The following HCN2 variants were observed in gnomAD, a reference collection of about 807,000 sequenced individuals.
HCN2 encodes potassium/sodium hyperpolarization-activated cyclic nucleotide-gated channel 2.
Under a neutral mutation model 52.3 loss-of-function variants are expected in HCN2, and 20 were observed. That is an observed-to-expected ratio of 0.38 (90% CI 0.27 to 0.56). The LOEUF (loss-of-function observed/expected upper bound fraction) is 0.56, where lower values mean the gene tolerates loss of function less well. Ranked by LOEUF, HCN2 falls within the 20% of genes least tolerant of loss-of-function variation. The pLI, the probability that HCN2 is intolerant of heterozygous loss-of-function variation, is 0.71. For missense variants in HCN2, 981 were observed against 1,207.7 expected, an observed-to-expected ratio of 0.81 and a Z score of 2.78; for synonymous variants, 694 against 537.0, an observed-to-expected ratio of 1.29 and a Z score of -4.04.
At chr19:612,870 G>C (rs572507180) in intron 5 of HCN2, among the ~76,000 whole-genome samples, 6 of 151,454 alleles carry the variant, frequency 4.0e-5, no homozygotes, top group Admixed American at 2.0e-4. Context: ...GTAGAGACGG[G>C]GGTCTTACCG....
At position 615,943 on chromosome 19, in the gene HCN2, C is replaced by A. The variant is rs1401577373; in HGVS notation, c.2139C>A (p.Leu713=). 8 of 1,607,750 alleles carry A rather than the reference C, an allele frequency of 5.0e-6. No individual in the cohort carries two copies. The highest frequency in any genetic ancestry group is 1.3e-5 in the African/African-American group (1 of 74,926). ...CCGAGCTGGGTCAGCGCGTGGGCCT[C>A]TTCCCGCCGCCGCCGCCGCCGCCGC... is the stretch of plus-strand genomic sequence containing the variant. The part of the protein sequence containing the change: ...QQAELGQRVG[L]FPPPPPPPQV... The change falls in exon 8 of 8, where the codon CTC becomes CTA. Residue 713 remains leucine (L), a synonymous_variant. Transcript: ENST00000251287.
chr19:616,560 C>G lies in HCN2; in HGVS notation c.*86C>G, dbSNP rs1320280422. 1 of 792,814 alleles carries G rather than the reference C, an allele frequency of 1.3e-6. No homozygotes were observed. The highest frequency in any genetic ancestry group is 1.6e-6 in the Non-Finnish European group (1 of 617,008). 49.1% of individuals were successfully genotyped at this position (792,814 alleles called of 1,614,324 possible). ...AGCCATGCCATTGCGCTGCCCCGGCCGCCAGTCCGCCCAGAAGCCATAGAC... is the reference window on the plus strand; with the variant it reads ...AGCCATGCCATTGCGCTGCCCCGGCGGCCAGTCCGCCCAGAAGCCATAGAC... On this transcript the variant is annotated 3_prime_UTR_variant, in exon 8 of 8. Transcript: ENST00000251287.
At chr19:604,510 G>C (rs1228013215) in intron 2 of HCN2, among the ~76,000 whole-genome samples, 3 of 132,958 alleles carry the variant, frequency 2.3e-5, no homozygotes, top group African/African-American at 8.6e-5. Flanking sequence ...TGGGGTCAAG[G>C]AGCAGGGGCA....
chr19:598,855 G>T (rs999508883), intron 1 of HCN2, among the ~76,000 whole-genome samples: 1 of 152,206 alleles, frequency 6.6e-6, no homozygotes, highest in Non-Finnish European at 1.5e-5. Flanking sequence ...TAATCTGCCC[G>T]CCTCAGCCTC....
chr19:607,542 C>T (rs938945723), intron 3 of HCN2, among the ~76,000 whole-genome samples: 11 of 152,244 alleles, frequency 7.2e-5, no homozygotes, highest in Non-Finnish European at 1.2e-4. Flanking sequence ...TCCCCTTTCC[C>T]GGCCGGGTCA....
At chr19:603,421 C>A in intron 1 of HCN2, 123 bp from the exon 2 acceptor site, 1 of 721,190 alleles carries the variant, frequency 1.4e-6, no homozygotes. Context: ...CCGCAGGCTC[C>A]TCGGAGGAGG....
Position 603,878 on chromosome 19 carries a change from C to T in HCN2, c.967C>T (p.Leu323=). The T allele has an allele frequency of 6.2e-7, 1 of 1,612,466 alleles. No homozygotes were observed. Among genetic ancestry groups the T allele is most frequent in the Non-Finnish European group, 8.5e-7 (1 of 1,179,812 alleles). ...CGAGGTCTACAAGACGGCACGCGCC[C>T]TGCGCATCGTGCGCTTCACCAAGAT... ...DSEVYKTARA[L]RIVRFTKILS... The change falls in exon 2 of 8, where the codon CTG becomes TTG. Residue 323 remains leucine (L), a synonymous_variant. Transcript: ENST00000251287.
In HCN2 at chr19:610,270, G is replaced by GCCCCTGTGCCCGCTGCAGGCCGGGGGC. The variant is rs1352224585; in HGVS notation, c.1449_1450insCCCCTGTGCCCGCTGCAGGCCGGGGGC (p.Val483_Glu484insProLeuCysProLeuGlnAlaGlyGly). On this transcript the variant is annotated inframe_insertion, in exon 5 of 8. Transcript: ENST00000251287. ...CCTCCTCCCCACAGTACAAGCAGGT[G>GCCCCTGTGCCCGCTGCAGGCCGGGGGC]GAGCAGTACATGTCCTTCCACAAGC... 6.2e-7 allele frequency: 1 copy of GCCCCTGTGCCCGCTGCAGGCCGGGGGC among 1,613,302 alleles called. No homozygotes were observed. Among genetic ancestry groups the GCCCCTGTGCCCGCTGCAGGCCGGGGGC allele is most frequent in the African/African-American group, 1.3e-5 (1 of 74,878 alleles).
At chr19:602,736 G>A (rs146830589) in intron 1 of HCN2, among the ~76,000 whole-genome samples, 110 of 152,298 alleles carry the variant, frequency 7.2e-4, no homozygotes, top group Middle Eastern at 3.4e-3. Context: ...TCCCTCTCTG[G>A]TCATGTGAAG....
chr19:608,533 G>C (rs1005643643), intron 4 of HCN2, among the ~76,000 whole-genome samples: 3 of 151,228 alleles, frequency 2.0e-5, no homozygotes, highest in African/African-American at 7.3e-5. Context: ...GTGGTGAGAG[G>C]TTCTCTGACC....
At position 613,934 on chromosome 19, in the gene HCN2, C is replaced by T; in HGVS notation, c.1908C>T (p.Asp636=). The T allele has an allele frequency of 1.3e-6, 2 of 1,577,300 alleles. No homozygotes were observed. The highest frequency in any genetic ancestry group is 8.6e-7 in the Non-Finnish European group (1 of 1,162,348). ...TYCRLYSLSV[D]NFNEVLEEYP... The stretch of plus-strand genomic sequence containing the variant: ...GCCGCCTCTATTCGCTGAGCGTGGA[C>T]AACTTCAACGAGGTGCTGGAGGAGT... The change falls in exon 7 of 8, where the codon GAC becomes GAT. Residue 636 remains aspartate, a synonymous_variant. Transcript: ENST00000251287.
At position 590,083 on chromosome 19, in the gene HCN2, C is replaced by T; in HGVS notation, c.138C>T (p.Gly46=). The T allele has an allele frequency of 3.2e-6, 2 of 620,306 alleles. No homozygotes were observed. Among genetic ancestry groups the T allele is most frequent in the Non-Finnish European group, 4.0e-6 (2 of 504,896 alleles). The allele number at this position is 620,306 out of a possible 1,614,324, so 38.4% of individuals were successfully genotyped here. The stretch of plus-strand genomic sequence containing the variant: ...CGCCGCCGCCCGCGCCCCCCCCGGG[C>T]CCCGGGCCCGCGCCCCCCCAGCACC... ...PPPPPPAPPP[G]PGPAPPQHPP... Residue 46 remains glycine (G), a synonymous_variant, in exon 1 of 8, where the codon GGC becomes GGT. Transcript: ENST00000251287. This position sits in a 1 kb window ranked among gnomAD's most constrained non-coding sequence, Gnocchi z 7.2.
At position 605,075 on chromosome 19, in the gene HCN2, C is replaced by T; in HGVS notation, c.1071C>T (p.Thr357=). The change falls in exon 3 of 8, where the codon ACC becomes ACT. Residue 357 remains threonine (T), a synonymous_variant. Coordinates refer to ENST00000251287, the MANE Select transcript of HCN2 (RefSeq NM_001194.4). The part of the protein sequence containing the change: ...IHQWEEIFHM[T]YDLASAVMRI... Reference sequence around the variant, plus strand: ...CCTTCCTGCAGATCTTCCACATGACCTATGACCTGGCCAGCGCGGTGATGA... The same window carrying T: ...CCTTCCTGCAGATCTTCCACATGACTTATGACCTGGCCAGCGCGGTGATGA... 6.2e-7 allele frequency: 1 copy of T among 1,611,408 alleles called. No homozygotes were observed. The highest frequency in any genetic ancestry group is 1.1e-5 in the South Asian group (1 of 91,036).
At chr19:608,229 G>A (rs1983488659) in intron 4 of HCN2, 47 bp downstream of exon 4, 1 of 1,552,812 alleles carries the variant, frequency 6.4e-7, no homozygotes, top group African/African-American at 1.4e-5. Flanking sequence ...GGGGAGGCGG[G>A]CCTGGATCTG....
chr19:604,719 C>A, intron 2 of HCN2, among the ~76,000 whole-genome samples: 1 of 73,964 alleles, frequency 1.4e-5, no homozygotes, highest in African/African-American at 5.3e-5. Flanking sequence ...GGGGCAGGGC[C>A]AGACATCAGG....
chr19:614,080 T>TGCC (rs1983795129), intron 7 of HCN2, 64 bp downstream of exon 7: 1 of 528,932 alleles, frequency 1.9e-6, no homozygotes, highest in African/African-American at 5.0e-5. Context: ...GGCCAAGGCA[T>TGCC]CAGGAGAGTG....
At position 603,698 on chromosome 19, in the gene HCN2, T is replaced by A; in HGVS notation, c.787T>A (p.Phe263Ile). The A allele has an allele frequency of 6.2e-7, 1 of 1,612,816 alleles. No homozygotes were observed. Among genetic ancestry groups the A allele is most frequent in the Non-Finnish European group, 8.5e-7 (1 of 1,179,764 alleles). ...TFFLMDLVLN[F>I]RTGIVIEDNT... ...CTTCCTCATGGACCTGGTGTTGAACTTCCGCACCGGCATTGTGATCGAGGA... is the reference window on the plus strand; with the variant it reads ...CTTCCTCATGGACCTGGTGTTGAACATCCGCACCGGCATTGTGATCGAGGA... The change falls in exon 2 of 8, where the codon TTC (phenylalanine) becomes ATC (isoleucine). Residue 263 changes from phenylalanine (F) to isoleucine (I), a missense_variant. Phe to Ile is a conservative substitution (Grantham distance 21). Coordinates refer to ENST00000251287, the MANE Select transcript of HCN2 (RefSeq NM_001194.4).
intron 1 of HCN2, among the ~76,000 whole-genome samples, chr19:594,517 C>T (rs1040146607): frequency 2.0e-4 from 30 of 152,286 alleles, no homozygotes; most frequent in Non-Finnish European, 2.9e-5. Context: ...CCCTGGGGTC[C>T]CCGAGAGGAC....
chr19:610,802 A>G (rs1983599204), intron 5 of HCN2, among the ~76,000 whole-genome samples: 1 of 152,152 alleles, frequency 6.6e-6, no homozygotes, highest in Non-Finnish European at 1.5e-5. Flanking sequence ...CAAGTTTCCC[A>G]GGGTTGCGGG....
Sources: gnomAD v4.1 joint callset for allele counts (sites outside exome capture counted in the v4.1 genomes callset) on GRCh38, gnomAD v4.1.1 for gene constraint, Gnocchi (gnomAD v3.1) non-coding constraint, MANE v1.5 for transcripts, NCBI Gene and HGNC (gene_info 2026-07-23, HGNC 2026-07-21) for gene names.